The following KCNJ16 variants were observed in gnomAD, a reference collection of about 807,000 sequenced individuals.
KCNJ16 encodes the protein inward rectifier potassium channel 16.
A neutral mutation model predicts 18.5 loss-of-function variants in KCNJ16; 15 were observed. The observed-to-expected ratio is 0.81, with a 90% confidence interval of 0.54 to 1.25. The LOEUF is 1.25. KCNJ16 is among the 50% of genes most tolerant of loss of function. KCNJ16 has a pLI of 0.00. For missense variants in KCNJ16, 523 were observed against 525.7 expected (o/e 0.99, Z 0.05); for synonymous variants, 174 against 186.5 (o/e 0.93, Z 0.55).
rs2073265492 is a variant in KCNJ16 at position 70,113,319 on chromosome 17, T to C, written c.-191+12553T>C. ...TTCTCACTTTGATATTATTCCACCA[T>C]AGAAGTCTATATTCTCAAAGAGCTG... On this transcript the variant is annotated intron_variant, in intron 2 of 3. Transcript: ENST00000392671. Among the ~76,000 whole-genome samples the C allele has an allele frequency of 2.0e-5, 3 of 152,178 alleles. No individual in the cohort carries two copies. The South Asian group carries it at 6.2e-4, about 32-fold the overall frequency.
intron 1 of KCNJ16, among the ~76,000 whole-genome samples, chr17:70,098,891 G>T (rs1026761074): frequency 8.5e-5 from 13 of 152,244 alleles, no homozygotes; most frequent in African/African-American, 3.1e-4. Flanking sequence ...GACATTCAAA[G>T]AACAACCAGG....
chr17:70,129,566 G>T (rs537555128), intron 2 of KCNJ16, among the ~76,000 whole-genome samples: 1 of 152,124 alleles, frequency 6.6e-6, no homozygotes, highest in African/African-American at 2.4e-5. Context: ...TATTTATATC[G>T]TTGGAGAGTC....
At chr17:70,117,074 G>A (rs1032510879) in intron 2 of KCNJ16, among the ~76,000 whole-genome samples, 12 of 152,118 alleles carry the variant, frequency 7.9e-5, no homozygotes, top group Non-Finnish European at 4.4e-5. Flanking sequence ...ATGGTGGACT[G>A]GATAAAGAAA....
intron 2 of KCNJ16, among the ~76,000 whole-genome samples, chr17:70,111,597 G>T (rs972681856): frequency 1.3e-5 from 2 of 152,062 alleles, no homozygotes; most frequent in African/African-American, 4.8e-5. Context: ...TATGCTCGCA[G>T]ACAGGCAAGG....
chr17:70,132,624 C>T lies in KCNJ16; in HGVS notation c.537C>T (p.Ala179=). 9 of 1,614,096 alleles carry T rather than the reference C, an allele frequency of 5.6e-6. No homozygotes were observed. Among genetic ancestry groups the T allele is most frequent in the Non-Finnish European group, 6.8e-6 (8 of 1,180,034 alleles). The change falls in exon 4 of 4, where the codon GCC becomes GCT. Residue 179 remains alanine (A), a synonymous_variant. Transcript: ENST00000392671. ...AAATGGCAACTGCTCGAAAGAGAGC[C>T]CAAACCATTCGTTTCAGCTACTTTG... ...LAKMATARKR[A]QTIRFSYFAL...
At chr17:70,083,825 T>G (rs1178893502) in intron 1 of KCNJ16, among the ~76,000 whole-genome samples, 1 of 152,106 alleles carries the variant, frequency 6.6e-6, no homozygotes, top group Non-Finnish European at 1.5e-5. Flanking sequence ...AGTCTAAAGT[T>G]GTAGGGCAGG....
chr17:70,082,470 C>A (rs1178303987), intron 1 of KCNJ16, among the ~76,000 whole-genome samples: 1 of 152,072 alleles, frequency 6.6e-6, no homozygotes, highest in Non-Finnish European at 1.5e-5. Flanking sequence ...GGGACTGATT[C>A]TAGAGAGAGG....
chr17:70,132,387 C>T lies in KCNJ16; in HGVS notation c.300C>T (p.Gly100=), dbSNP rs141954099. ...SVFWLIAFHH[G]DLLNDPDITP... is the part of the protein sequence containing the mutation. ...TTTGGCTCATAGCCTTTCATCATGG[C>T]GATCTATTAAATGATCCAGACATCA... Residue 100 remains glycine, a synonymous_variant, in exon 4 of 4, where the codon GGC becomes GGT. Transcript: ENST00000392671. The T allele has an allele frequency of 5.2e-5, 84 of 1,613,936 alleles. No individual in the cohort carries two copies. Among genetic ancestry groups the T allele is most frequent in the Middle Eastern group, 1.6e-4 (1 of 6,084 alleles).
chr17:70,123,438 C>T (rs1306010131), intron 2 of KCNJ16, among the ~76,000 whole-genome samples: 1 of 152,132 alleles, frequency 6.6e-6, no homozygotes, highest in Non-Finnish European at 1.5e-5. Context: ...ATTCCTCTTC[C>T]TCTTTCAGAT....
At chr17:70,109,253 A>T (rs1033618885) in intron 2 of KCNJ16, among the ~76,000 whole-genome samples, 1 of 152,196 alleles carries the variant, frequency 6.6e-6, no homozygotes, top group Non-Finnish European at 1.5e-5. Flanking sequence ...AAACTAGTTA[A>T]GATTCAATTC....
At position 70,132,497 on chromosome 17, in the gene KCNJ16, G is replaced by A. The variant is rs144258139; in HGVS notation, c.410G>A (p.Arg137His). Residue 137 changes from arginine (R) to histidine (H), a missense_variant, in exon 4 of 4, where the codon CGC becomes CAC. Coordinates refer to ENST00000392671, the MANE Select transcript of KCNJ16 (RefSeq NM_170741.4). ...CAAACCACCATAGGATATGGTTATCGCTGTGTTACTGAAGAATGTTCTGTG... is the reference window on the plus strand; with the variant it reads ...CAAACCACCATAGGATATGGTTATCACTGTGTTACTGAAGAATGTTCTGTG... ...ETQTTIGYGY[R>H]CVTEECSVAV... The A allele has an allele frequency of 3.2e-5, 51 of 1,614,092 alleles. 1 individual carries two copies. Among genetic ancestry groups the A allele is most frequent in the Admixed American group, 1.3e-4 (8 of 60,022 alleles).
chr17:70,077,223 G>A (rs2071354201), intron 1 of KCNJ16, among the ~76,000 whole-genome samples: 1 of 152,210 alleles, frequency 6.6e-6, no homozygotes, highest in Non-Finnish European at 1.5e-5. Context: ...TATTTACCAA[G>A]ACAGATACGA....
At chr17:70,095,870 C>CTCTTTTTT (rs1567784556) in intron 1 of KCNJ16, among the ~76,000 whole-genome samples, 2 of 95,390 alleles carry the variant, frequency 2.1e-5, no homozygotes, top group African/African-American at 8.3e-5. Context: ...TTACTTAATC[C>CTCTTTTTT]TTTTTTTTTT....
rs769703462 is a variant in KCNJ16 at position 70,133,019 on chromosome 17, A to G, written c.932A>G (p.Asn311Ser). ...PREILWGHRF[N>S]DVLEVKRKYY... ...GAAATTCTCTGGGGCCATAGGTTTAATGATGTCTTGGAAGTTAAGAGGAAG... is the reference window on the plus strand; with the variant it reads ...GAAATTCTCTGGGGCCATAGGTTTAGTGATGTCTTGGAAGTTAAGAGGAAG... Residue 311 changes from asparagine to serine, a missense_variant, in exon 4 of 4, where the codon AAT (asparagine) becomes AGT (serine). Asn to Ser is a conservative substitution (Grantham distance 46). Transcript: ENST00000392671. The G allele has an allele frequency of 2.5e-6, 4 of 1,614,042 alleles. No individual in the cohort carries two copies. In the African/African-American group the frequency reaches 4.0e-5, roughly 16 times the overall value.
chr17:70,105,322 A>C (rs1032375953), intron 2 of KCNJ16, among the ~76,000 whole-genome samples: 3 of 152,192 alleles, frequency 2.0e-5, no homozygotes, highest in Non-Finnish European at 4.4e-5. Context: ...AGATCCATTA[A>C]GGGAAGTAAC....
intron 1 of KCNJ16, among the ~76,000 whole-genome samples, chr17:70,091,422 A>G (rs1165729809): frequency 3.3e-5 from 5 of 152,214 alleles, no homozygotes; most frequent in African/African-American, 1.2e-4. Context: ...CCTCCAACAC[A>G]GTGCAGGAGA....
At chr17:70,105,717 CT>C (rs1169221085) in intron 2 of KCNJ16, among the ~76,000 whole-genome samples, 2 of 150,722 alleles carry the variant, frequency 1.3e-5, no homozygotes, top group Non-Finnish European at 3.0e-5. Flanking sequence ...TAATGTTTTT[CT>C]TCTGCTCATT....
chr17:70,084,359 T>G (rs769820600), intron 1 of KCNJ16, among the ~76,000 whole-genome samples: 6 of 152,120 alleles, frequency 3.9e-5, no homozygotes, highest in Admixed American at 2.0e-4. Context: ...GAAGAGTCCA[T>G]TAAGTGGTAG....
At chr17:70,100,236 T>C (rs1374298189) in intron 1 of KCNJ16, among the ~76,000 whole-genome samples, 8 of 152,246 alleles carry the variant, frequency 5.3e-5, no homozygotes, top group Non-Finnish European at 1.2e-4. Context: ...TTAAAAATTG[T>C]ATTCATTTCC....
Sources: gnomAD v4.1 joint callset for allele counts (sites outside exome capture counted in the v4.1 genomes callset) on GRCh38, gnomAD v4.1.1 for gene constraint, MANE v1.5 for transcripts, NCBI Gene and HGNC (gene_info 2026-07-23, HGNC 2026-07-21) for gene names.